The following TENM4 variants were observed in gnomAD, a reference collection of about 807,000 sequenced individuals.
TENM4 encodes the protein teneurin transmembrane protein 4.
Under a neutral mutation model 243.3 loss-of-function variants are expected in TENM4, and 82 were observed. The ratio of observed to expected loss-of-function variants is 0.34; its 90% CI spans 0.28 to 0.40. The LOEUF is 0.40. Ranked by LOEUF, TENM4 falls within the 10% of genes least tolerant of loss-of-function variation. The pLI, the probability that TENM4 is intolerant of heterozygous loss-of-function variation, is 1.00. For synonymous variants in TENM4, 1,412 were observed against 1,456.3 expected (o/e 0.97, Z 0.69); for missense variants, 3,138 against 3,673.3 (o/e 0.85, Z 3.77).
intron 1 of TENM4, among the ~76,000 whole-genome samples, chr11:79,304,490 G>C (rs1446911136): frequency 6.6e-6 from 1 of 152,126 alleles, no homozygotes; most frequent in Non-Finnish European, 1.5e-5. Flanking sequence ...TCAGGCCTTG[G>C]ATTTTTCCCC....
chr11:79,159,930 A>C (rs903059099), intron 3 of TENM4, among the ~76,000 whole-genome samples: 1 of 151,734 alleles, frequency 6.6e-6, no homozygotes, highest in Non-Finnish European at 1.5e-5. Flanking sequence ...TCACTCATTC[A>C]CTTGTTAGCT....
At chr11:79,052,521 G>A (rs979500422) in intron 6 of TENM4, among the ~76,000 whole-genome samples, 2 of 152,160 alleles carry the variant, frequency 1.3e-5, no homozygotes, top group African/African-American at 4.8e-5. Context: ...TAATGCATGT[G>A]CACTATCTGG....
chr11:79,055,327 T>C (rs1452588529), intron 6 of TENM4, among the ~76,000 whole-genome samples: 1 of 152,078 alleles, frequency 6.6e-6, no homozygotes, highest in Non-Finnish European at 1.5e-5. Context: ...CAGCAACTTC[T>C]GCCTTCCAGA....
Position 78,805,277 on chromosome 11 carries a change from T to TCCCCACCCACCACAACCCCC in TENM4, c.2179+14_2179+15insGGGGGTTGTGGTGGGTGGGG. The TCCCCACCCACCACAACCCCC allele has an allele frequency of 1.4e-6, 2 of 1,402,550 alleles. No homozygotes were observed. The highest frequency in any genetic ancestry group is 1.9e-6 in the Non-Finnish European group (2 of 1,033,116). 86.9% of individuals were successfully genotyped at this position (1,402,550 alleles called of 1,614,324 possible). A position where few individuals can be genotyped will look rare whatever the true frequency, so the allele number is the denominator to read the frequency against. On this transcript the variant is annotated intron_variant, in intron 15 of 33. Transcript: ENST00000278550. ...CCCCTCCCTCTACCCATGCTTCTTC[T>TCCCCACCCACCACAACCCCC]CCCCCTGCATTTACCGATAGAACAG...
intron 4 of TENM4, among the ~76,000 whole-genome samples, chr11:79,140,683 A>C (rs1862269874): frequency 6.6e-6 from 1 of 152,090 alleles, no homozygotes; most frequent in African/African-American, 2.4e-5. Flanking sequence ...TTTTGTAATA[A>C]AATAAAAGCA....
At chr11:78,787,555 G>A (rs1040537717) in intron 15 of TENM4, among the ~76,000 whole-genome samples, 1 of 152,320 alleles carries the variant, frequency 6.6e-6, no homozygotes, top group South Asian at 2.1e-4. Flanking sequence ...GGCTGGGCAC[G>A]TGATGAGTTC....
intron 3 of TENM4, among the ~76,000 whole-genome samples, chr11:79,172,126 T>G (rs1248121720): frequency 1.3e-5 from 2 of 152,162 alleles, no homozygotes; most frequent in Non-Finnish European, 2.9e-5. Flanking sequence ...TAATTTTTAT[T>G]TATTTTTTGT....
intron 9 of TENM4, among the ~76,000 whole-genome samples, chr11:78,884,816 A>C: frequency 6.6e-6 from 1 of 152,220 alleles, no homozygotes; most frequent in East Asian, 1.9e-4. Flanking sequence ...TGTGGTTGGG[A>C]GGATCATAGC....
At chr11:79,220,638 TA>T (rs1864138481) in intron 2 of TENM4, among the ~76,000 whole-genome samples, 1 of 152,208 alleles carries the variant, frequency 6.6e-6, no homozygotes, top group Admixed American at 6.5e-5. Flanking sequence ...AATGAATCTT[TA>T]GAGAAAAAAT....
chr11:78,831,459 T>C (rs1369809516), intron 12 of TENM4, among the ~76,000 whole-genome samples: 3 of 152,208 alleles, frequency 2.0e-5, no homozygotes, highest in Non-Finnish European at 4.4e-5. Context: ...GCTAAGTGCT[T>C]GCGGTAATAA....
intron 1 of TENM4, among the ~76,000 whole-genome samples, chr11:79,302,264 A>G (rs1201751854): frequency 2.0e-5 from 3 of 152,234 alleles, no homozygotes; most frequent in Admixed American, 6.5e-5. Flanking sequence ...TCAAATGTGC[A>G]GGGTCTAATT....
At chr11:78,817,976 T>C (rs1857644529) in intron 12 of TENM4, among the ~76,000 whole-genome samples, 2 of 152,164 alleles carry the variant, frequency 1.3e-5, no homozygotes, top group African/African-American at 4.8e-5. Context: ...GAACTCTTTT[T>C]CCCTCCCTCT....
chr11:78,779,813 G>A (rs563870004), intron 16 of TENM4, among the ~76,000 whole-genome samples: 1 of 152,180 alleles, frequency 6.6e-6, no homozygotes, highest in African/African-American at 2.4e-5. Flanking sequence ...GCCTTATCAG[G>A]AATCCCTAGG....
At chr11:78,990,805 A>G (rs907950701) in intron 6 of TENM4, among the ~76,000 whole-genome samples, 7 of 152,248 alleles carry the variant, frequency 4.6e-5, no homozygotes, top group African/African-American at 1.4e-4. Flanking sequence ...TAAAAATCAT[A>G]TAAATATTTA....
At chr11:78,670,765 C>CTTATGAGGCTAAGATGAGCCTCATAAGAA (rs1858303774) in intron 31 of TENM4, among the ~76,000 whole-genome samples, 1 of 152,168 alleles carries the variant, frequency 6.6e-6, no homozygotes, top group African/African-American at 2.4e-5. Flanking sequence ...GGCTTTCTCT[C>CTTATGAGGCTAAGATGAGCCTCATAAGAA]AGCCTCATCT....
intron 2 of TENM4, among the ~76,000 whole-genome samples, chr11:79,226,003 C>T (rs1864257742): frequency 6.6e-6 from 1 of 152,134 alleles, no homozygotes; most frequent in Non-Finnish European, 1.5e-5. Flanking sequence ...CAAACATGTC[C>T]CCAGAAGACA....
chr11:79,093,224 C>T (rs1861001422), intron 4 of TENM4: 1 of 152,222 alleles, frequency 6.6e-6, no homozygotes, highest in Admixed American at 6.5e-5. Flanking sequence ...TTCCCAGCCT[C>T]CCTTGCAGCT....
At chr11:79,249,742 T>C (rs1337986781) in intron 2 of TENM4, among the ~76,000 whole-genome samples, 1 of 152,236 alleles carries the variant, frequency 6.6e-6, no homozygotes, top group East Asian at 1.9e-4. Flanking sequence ...CCTAGCTATG[T>C]GGCCTTGGGA....
At chr11:79,253,938 T>A (rs1287697877) in intron 2 of TENM4, among the ~76,000 whole-genome samples, 1 of 152,166 alleles carries the variant, frequency 6.6e-6, no homozygotes, top group East Asian at 1.9e-4. Flanking sequence ...AGACACTTGG[T>A]CACACTGATA....
Sources: gnomAD v4.1 joint callset for allele counts (sites outside exome capture counted in the v4.1 genomes callset) on GRCh38, gnomAD v4.1.1 for gene constraint, MANE v1.5 for transcripts, NCBI Gene and HGNC (gene_info 2026-07-23, HGNC 2026-07-21) for gene names.